The following JAM3 variants were observed in gnomAD, a reference collection of about 807,000 sequenced individuals.
JAM3 encodes junctional adhesion molecule 3, also known as junctional adhesion molecule C.
A neutral mutation model predicts 39.4 loss-of-function variants in JAM3; 31 were observed. The ratio of observed to expected loss-of-function variants is 0.79; its 90% confidence interval spans 0.59 to 1.06. The LOEUF (loss-of-function observed/expected upper bound fraction) is 1.06. JAM3 is among the 50% of genes least tolerant of loss of function. The pLI is 0.00. For missense variants in JAM3, 455 were observed against 391.4 expected (o/e 1.16, Z -1.37); for synonymous variants, 182 against 148.7 (o/e 1.22, Z -1.63).
chr11:134,111,947 A>G (rs1361959362), intron 1 of JAM3, among the ~76,000 whole-genome samples: 1 of 152,166 alleles, frequency 6.6e-6, no homozygotes, highest in Admixed American at 6.5e-5. Flanking sequence ...CAGCCTCTCC[A>G]CCTACCACAA....
At chr11:134,093,956 G>A (rs1288165511) in intron 1 of JAM3, among the ~76,000 whole-genome samples, 1 of 122,342 alleles carries the variant, frequency 8.2e-6, no homozygotes, top group African/African-American at 3.2e-5. Context: ...TATTCATCAT[G>A]TTCCACCTTA....
chr11:134,143,075 G>A (rs1269091992), intron 3 of JAM3, among the ~76,000 whole-genome samples: 1 of 152,132 alleles, frequency 6.6e-6, no homozygotes, highest in Non-Finnish European at 1.5e-5. Context: ...AGGTTTTTGT[G>A]TGAACCTAAG....
Position 134,140,709 on chromosome 11 carries a change from C to T in JAM3, c.195C>T (p.Ile65=), listed in dbSNP as rs753089590. Residue 65 remains isoleucine (I), a synonymous_variant, in exon 3 of 9, where the codon ATC becomes ATT. Transcript: ENST00000299106. Reference sequence around the variant, plus strand: ...ATTCGCAGACAAGTGACCCCAGGATCGAGTGGAAGAAAATTCAAGATGAAC... The same window carrying T: ...ATTCGCAGACAAGTGACCCCAGGATTGAGTGGAAGAAAATTCAAGATGAAC... ...ITDSQTSDPR[I]EWKKIQDEQT... is the part of the protein sequence containing the mutation. 7.4e-6 allele frequency: 12 copies of T among 1,613,546 alleles called. No individual in the cohort carries two copies. Among genetic ancestry groups the T allele is most frequent in the South Asian group, 6.6e-5 (6 of 91,046 alleles).
chr11:134,128,797 T>G lies in JAM3; in HGVS notation c.77-11054T>G, dbSNP rs550531864. Among the ~76,000 whole-genome samples, 6 of 152,324 alleles carry G rather than the reference T, an allele frequency of 3.9e-5. No homozygotes were observed. The East Asian group carries it at 1.2e-3, about 29-fold the overall frequency. On this transcript the variant is annotated intron_variant, in intron 1 of 8. Transcript: ENST00000299106. ...TCTTAATAAATCACCCAGTCTCTGG[T>G]AGTTCTTTATAGTGTGAAAATGGAC... is the stretch of plus-strand genomic sequence containing the variant.
chr11:134,104,411 A>T (rs1310541071), intron 1 of JAM3, among the ~76,000 whole-genome samples: 1 of 152,248 alleles, frequency 6.6e-6, no homozygotes, highest in Non-Finnish European at 1.5e-5. Flanking sequence ...AGCAGGAAAG[A>T]TCTAAAATTG....
chr11:134,095,073 TTTAG>T (rs1196343814), intron 1 of JAM3, among the ~76,000 whole-genome samples: 9 of 152,348 alleles, frequency 5.9e-5, no homozygotes, highest in African/African-American at 9.6e-5. Context: ...CTGTGTTAAA[TTTAG>T]TTAAATTTCA....
In JAM3 at chr11:134,146,055, T is replaced by G. The variant is rs1943065474; in HGVS notation, c.712+10T>G. ...CAGGAGATGGAAGTCTGTGAGTTTC[T>G]TTTTTGAAGAGGTTTCATCGCAAGA... On this transcript the variant is annotated intron_variant, in intron 6 of 8. Transcript: ENST00000299106. The G allele has an allele frequency of 1.3e-6, 2 of 1,586,568 alleles. No individual in the cohort carries two copies. The highest frequency in any genetic ancestry group is 2.7e-5 in the African/African-American group (2 of 74,518).
At chr11:134,088,508 G>A (rs901682308) in intron 1 of JAM3, among the ~76,000 whole-genome samples, 19 of 151,832 alleles carry the variant, frequency 1.3e-4, no homozygotes, top group Non-Finnish European at 2.1e-4. Flanking sequence ...AGGAAAAAAC[G>A]GAATACAAAA....
At chr11:134,106,277 G>A (rs1591785440) in intron 1 of JAM3, among the ~76,000 whole-genome samples, 1 of 152,106 alleles carries the variant, frequency 6.6e-6, no homozygotes, top group East Asian at 1.9e-4. Flanking sequence ...ATGGTGCTGG[G>A]AAAACTGGCT....
At chr11:134,140,903 AT>A in intron 3 of JAM3, 133 bp downstream of exon 3, 2 of 1,155,324 alleles carry the variant, frequency 1.7e-6, no homozygotes, top group Non-Finnish European at 2.4e-6. Flanking sequence ...TTTTTTAAAG[AT>A]TTATAATTAT....
At chr11:134,134,972 AGT>A (rs918544342) in intron 1 of JAM3, among the ~76,000 whole-genome samples, 12 of 151,792 alleles carry the variant, frequency 7.9e-5, no homozygotes, top group African/African-American at 2.9e-4. Context: ...CTTTCTTGGT[AGT>A]GTCCTTTGAT....
chr11:134,092,555 T>C (rs1941887302), intron 1 of JAM3, among the ~76,000 whole-genome samples: 1 of 150,922 alleles, frequency 6.6e-6, no homozygotes, highest in Non-Finnish European at 1.5e-5. Flanking sequence ...ATCTTATTCA[T>C]CATTTTCCAT....
At chr11:134,128,442 T>C (rs528854631) in intron 1 of JAM3, among the ~76,000 whole-genome samples, 42 of 152,384 alleles carry the variant, frequency 2.8e-4, no homozygotes, top group African/African-American at 9.9e-4. Context: ...TCAGATGATA[T>C]GGTTTGGCGG....
At position 134,137,702 on chromosome 11, in the gene JAM3, T is replaced by C. The variant is rs1942893990; in HGVS notation, c.77-2149T>C. 2.0e-5 allele frequency among the ~76,000 whole-genome samples: 3 copies of C among 149,706 alleles called. No individual in the cohort carries two copies. The South Asian group carries it at 6.4e-4, about 32-fold the overall frequency. Reference sequence around the variant, plus strand: ...TGGTGCTCATACTGAGAGAAATGTTTATGGCCAGTAGTCCCTTAGAGCCAG... The same window carrying C: ...TGGTGCTCATACTGAGAGAAATGTTCATGGCCAGTAGTCCCTTAGAGCCAG... On this transcript the variant is annotated intron_variant, in intron 1 of 8. Coordinates refer to ENST00000299106, the MANE Select transcript of JAM3 (RefSeq NM_032801.5).
intron 1 of JAM3, among the ~76,000 whole-genome samples, chr11:134,104,891 G>A (rs183885038): frequency 1.3e-5 from 2 of 152,116 alleles, no homozygotes; most frequent in African/African-American, 4.8e-5. Flanking sequence ...AAAAGCCCAG[G>A]GCCAGATGGA....
intron 1 of JAM3, among the ~76,000 whole-genome samples, chr11:134,087,844 G>A (rs1388270739): frequency 6.6e-6 from 1 of 152,196 alleles, no homozygotes; most frequent in Non-Finnish European, 1.5e-5. Context: ...CTGTAAACCA[G>A]TGTTTATCAA....
chr11:134,107,273 A>G (rs576208195), intron 1 of JAM3, among the ~76,000 whole-genome samples: 5 of 152,292 alleles, frequency 3.3e-5, no homozygotes, highest in Admixed American at 6.5e-5. Context: ...ATAGGTGGGA[A>G]TTGAACAATG....
chr11:134,120,115 C>T (rs1378396532), intron 1 of JAM3, among the ~76,000 whole-genome samples: 1 of 150,346 alleles, frequency 6.7e-6, no homozygotes, highest in African/African-American at 2.5e-5. Context: ...TGCAAAGATG[C>T]TATTTTATGG....
In JAM3 at chr11:134,151,783, T is replaced by TA. The variant is rs774487771; in HGVS notation, c.*2603dup. 7.2e-5 allele frequency: 11 copies of TA among 152,226 alleles called. No homozygotes were observed. Among genetic ancestry groups the TA allele is most frequent in the Non-Finnish European group, 1.6e-4 (11 of 68,038 alleles). The allele number at this position is 152,226 out of a possible 1,614,324, so 9.4% of individuals were successfully genotyped here. On this transcript the variant is annotated 3_prime_UTR_variant, in exon 9 of 9. Transcript: ENST00000299106. Reference sequence around the variant, plus strand: ...TGCTTCATTCTTTGTTATTTGCTCTTACGTTGGGTTTGTCTCTTCTTCCTA... The same window carrying TA: ...TGCTTCATTCTTTGTTATTTGCTCTTAACGTTGGGTTTGTCTCTTCTTCCTA...
Sources: gnomAD v4.1 joint callset for allele counts (sites outside exome capture counted in the v4.1 genomes callset) on GRCh38, gnomAD v4.1.1 for gene constraint, MANE v1.5 for transcripts, NCBI Gene and HGNC (gene_info 2026-07-23, HGNC 2026-07-21) for gene names.